MCC: variants seen among roughly 807,000 people sequenced by gnomAD.
MCC encodes colorectal mutant cancer protein.
In MCC, 90 loss-of-function variants were observed where a neutral mutation model predicts 116.2. That is an observed-to-expected ratio of 0.77 (90% confidence interval 0.65 to 0.92). MCC has a LOEUF of 0.92. Among genes scored for constraint, MCC ranks in the 40% least tolerant of loss-of-function variants. The pLI is 0.00. For synonymous variants in MCC, 578 were observed against 510.5 expected (o/e 1.13, Z -1.78); for missense variants, 1,516 against 1,312.2 (o/e 1.16, Z -2.40).
chr5:113,328,720 C>G (rs940061075), intron 3 of MCC, among the ~76,000 whole-genome samples: 1 of 152,182 alleles, frequency 6.6e-6, no homozygotes, highest in African/African-American at 2.4e-5. Context: ...TTTAATTACT[C>G]TCCAGTGACA....
intron 1 of MCC, among the ~76,000 whole-genome samples, chr5:113,485,918 G>T (rs1406253096): frequency 6.6e-6 from 1 of 152,178 alleles, no homozygotes; most frequent in Non-Finnish European, 1.5e-5. Context: ...ATGTCTGATA[G>T]AACAGGAATG....
intron 6 of MCC, among the ~76,000 whole-genome samples, chr5:113,108,331 TAA>T (rs56780207): frequency 0.36 from 15,374 of 43,066 alleles, 2,216 homozygotes; most frequent in East Asian, 0.4. Flanking sequence ...CACTCTATCT[TAA>T]AAAAAAAAAA....
chr5:113,132,585 C>T (rs1437877798), intron 5 of MCC, among the ~76,000 whole-genome samples: 1 of 151,876 alleles, frequency 6.6e-6, no homozygotes, highest in Non-Finnish European at 1.5e-5. Flanking sequence ...CTGGGAAATC[C>T]ATATTTTATT....
chr5:113,110,130 A>G (rs1401370016), intron 6 of MCC, among the ~76,000 whole-genome samples: 2 of 152,252 alleles, frequency 1.3e-5, no homozygotes. Flanking sequence ...TTATGCATCA[A>G]AGGAAACTGT....
chr5:113,148,207 G>A (rs1026487803), intron 4 of MCC, among the ~76,000 whole-genome samples: 29 of 152,360 alleles, frequency 1.9e-4, no homozygotes, highest in African/African-American at 5.8e-4. Context: ...ATGCATGTCT[G>A]TGCCCGTATT....
intron 17 of MCC, among the ~76,000 whole-genome samples, chr5:113,041,630 CA>C (rs1751709730): frequency 1.3e-5 from 2 of 152,096 alleles, no homozygotes; most frequent in South Asian, 4.2e-4. Context: ...TGATATGACC[CA>C]GCTGACAGCA....
At chr5:113,160,853 C>T (rs1168148127) in intron 3 of MCC, among the ~76,000 whole-genome samples, 1 of 152,116 alleles carries the variant, frequency 6.6e-6, no homozygotes, top group Non-Finnish European at 1.5e-5. Context: ...TTCCTACATT[C>T]TATGTGGGAA....
intron 17 of MCC, among the ~76,000 whole-genome samples, chr5:113,034,327 T>C (rs984796322): frequency 1.3e-5 from 2 of 152,226 alleles, no homozygotes; most frequent in Non-Finnish European, 2.9e-5. Flanking sequence ...GCCAGTACGC[T>C]GGGCAGAGCG....
chr5:113,057,604 G>A (rs1374639871), intron 14 of MCC, among the ~76,000 whole-genome samples: 3 of 152,220 alleles, frequency 2.0e-5, no homozygotes, highest in African/African-American at 7.2e-5. Flanking sequence ...AGAGCAAAGC[G>A]CGCCCACAGC....
intron 8 of MCC, among the ~76,000 whole-genome samples, chr5:113,093,722 A>T (rs1464459405): frequency 6.8e-6 from 1 of 146,062 alleles, no homozygotes; most frequent in Non-Finnish European, 1.5e-5. Context: ...GTGGGAGCAC[A>T]GACAAGAGTC....
At chr5:113,132,148 A>G (rs1412894593) in intron 5 of MCC, among the ~76,000 whole-genome samples, 2 of 151,692 alleles carry the variant, frequency 1.3e-5, no homozygotes, top group Admixed American at 6.6e-5. Context: ...TGAGTTTTCT[A>G]TTAACTGGAA....
rs577669497 is a variant in MCC at position 113,026,714 on chromosome 5, A to G, written c.*588T>C. On this transcript the variant is annotated 3_prime_UTR_variant, in exon 19 of 19. Transcript: ENST00000408903. ...CTGGGACTGTAAGTAACACCTGTCT[A>G]CGCTCTTCCCATGACCTATAACTCC... 3 of 152,758 alleles carry G rather than the reference A, an allele frequency of 2.0e-5. No homozygotes were observed. Among genetic ancestry groups the G allele is most frequent in the African/African-American group, 2.4e-5 (1 of 41,434 alleles). The allele number at this position is 152,758 out of a possible 1,614,324, so 9.5% of individuals were successfully genotyped here.
intron 1 of MCC, among the ~76,000 whole-genome samples, chr5:113,419,295 C>T (rs534635825): frequency 4.9e-4 from 74 of 152,020 alleles, no homozygotes; most frequent in African/African-American, 1.7e-3. Context: ...CTTGGCCTCC[C>T]AAGTAGCTGG....
intron 5 of MCC, among the ~76,000 whole-genome samples, chr5:113,142,363 C>T (rs1272282611): frequency 6.6e-6 from 1 of 151,876 alleles, no homozygotes; most frequent in Non-Finnish European, 1.5e-5. Context: ...TCGCCAGGAA[C>T]ATGAAAATGC....
chr5:113,488,206 A>G (rs1580438203), intron 1 of MCC, 39 bp downstream of exon 1: 1 of 1,575,264 alleles, frequency 6.3e-7, no homozygotes, highest in Non-Finnish European at 8.6e-7. Flanking sequence ...GGAGGGACTG[A>G]TCTCGCTCCT....
intron 14 of MCC, among the ~76,000 whole-genome samples, chr5:113,062,264 A>G (rs1269414789): frequency 1.3e-5 from 2 of 152,192 alleles, no homozygotes; most frequent in African/African-American, 4.8e-5. Context: ...GAAAAACAGG[A>G]TCCCAAATTA....
At chr5:113,068,231 A>G (rs1196614211) in intron 12 of MCC, 48 bp from the exon 13 acceptor site, 1 of 1,443,072 alleles carries the variant, frequency 6.9e-7, no homozygotes, top group East Asian at 2.3e-5. Context: ...AACAGCGGAC[A>G]CCTTCAATGT....
chr5:113,136,717 T>C (rs968693140), intron 5 of MCC, among the ~76,000 whole-genome samples: 29 of 152,238 alleles, frequency 1.9e-4, no homozygotes, highest in Admixed American at 1.9e-3. Context: ...CTTTACTGAA[T>C]GTATCAGTTC....
chr5:113,314,099 G>A (rs1367314104), intron 3 of MCC, among the ~76,000 whole-genome samples: 3 of 151,878 alleles, frequency 2.0e-5, no homozygotes, highest in Non-Finnish European at 4.4e-5. Context: ...GATTACAGGT[G>A]TGAGCCACTG....
Sources: allele counts gnomAD v4.1 joint callset (sites outside exome capture counted in the v4.1 genomes callset), GRCh38; gene constraint gnomAD v4.1.1; transcripts MANE v1.5; gene names NCBI Gene and HGNC (gene_info 2026-07-23, HGNC 2026-07-21).